The following GALNT3 variants were observed in gnomAD, a reference collection of about 807,000 sequenced individuals.
The protein encoded by GALNT3 is polypeptide N-acetylgalactosaminyltransferase 3, also known as GalNAc transferase 3.
Under a neutral mutation model 69.8 loss-of-function variants are expected in GALNT3, and 51 were observed. That is an observed-to-expected ratio of 0.73 (90% CI 0.58 to 0.92). The LOEUF (loss-of-function observed/expected upper bound fraction) is 0.92, where lower values mean the gene tolerates loss of function less well. Ranked by LOEUF, GALNT3 falls within the 40% of genes least tolerant of loss-of-function variation. The probability of loss-of-function intolerance (pLI) is 0.00; values close to 1 mark genes in which losing one functional copy is unlikely to be tolerated. For synonymous variants in GALNT3, 265 were observed against 248.5 expected (o/e 1.07, Z -0.63); for missense variants, 711 against 760.0 (o/e 0.94, Z 0.76).
At chr2:165,792,182 T>C (rs1380956491) in intron 1 of GALNT3, among the ~76,000 whole-genome samples, 2 of 152,228 alleles carry the variant, frequency 1.3e-5, no homozygotes, top group Non-Finnish European at 2.9e-5. Context: ...GGCTGGAAGA[T>C]ACTCCTGATT....
Position 165,753,653 on chromosome 2 carries a change from G to C in GALNT3, c.1626+974C>G, listed in dbSNP as rs111616317. ...GAGGGAAATAGTCTAATCTTTCCAG[G>C]AGTTAAGCTGCAAAAGGTAAGGAAA... On this transcript the variant is annotated intron_variant, in intron 9 of 10. Transcript: ENST00000392701. Among the ~76,000 whole-genome samples the C allele has an allele frequency of 3.4e-3, 512 of 152,172 alleles. 1 individual carries two copies. Among genetic ancestry groups the C allele is most frequent in the African/African-American group, 0.012 (486 of 41,508 alleles).
Position 165,749,901 on chromosome 2 carries a change from A to G in GALNT3, c.1627-7T>C. The G allele has an allele frequency of 6.2e-7, 1 of 1,613,224 alleles. No homozygotes were observed. Among genetic ancestry groups the G allele is most frequent in the Non-Finnish European group, 8.5e-7 (1 of 1,179,320 alleles). ...GAGCAGAGTATTCAAAGTACTATGGAAGGAATAGCACTGTTACTGACAAAA... is the reference window on the plus strand; with the variant it reads ...GAGCAGAGTATTCAAAGTACTATGGGAGGAATAGCACTGTTACTGACAAAA... On this transcript the variant is annotated splice_region_variant and splice_polypyrimidine_tract_variant and intron_variant, in intron 9 of 10. Coordinates refer to ENST00000392701, the MANE Select transcript of GALNT3 (RefSeq NM_004482.4).
At chr2:165,774,032 G>A (rs1411243238) in intron 1 of GALNT3, among the ~76,000 whole-genome samples, 1 of 152,144 alleles carries the variant, frequency 6.6e-6, no homozygotes, top group Non-Finnish European at 1.5e-5. Context: ...AGGATTCAGG[G>A]CACTTCCAGA....
chr2:165,767,857 T>TA (rs1262861804), intron 2 of GALNT3, among the ~76,000 whole-genome samples: 1 of 146,008 alleles, frequency 6.8e-6, no homozygotes, highest in African/African-American at 2.5e-5. Flanking sequence ...ACATTCAAAG[T>TA]AAAAAACAAA....
Position 165,748,363 on chromosome 2 carries a change from T to C in GALNT3, c.*418A>G, listed in dbSNP as rs1688296804. 1 of 245,828 alleles carries C rather than the reference T, an allele frequency of 4.1e-6. No individual in the cohort carries two copies. The highest frequency in any genetic ancestry group is 7.9e-6 in the Non-Finnish European group (1 of 125,848). 15.2% of individuals were successfully genotyped at this position (245,828 alleles called of 1,614,324 possible). A position where few individuals can be genotyped will look rare whatever the true frequency, so the allele number is the denominator to read the frequency against. On this transcript the variant is annotated 3_prime_UTR_variant, in exon 11 of 11. Coordinates refer to ENST00000392701, the MANE Select transcript of GALNT3 (RefSeq NM_004482.4). ...AGGCCAATGCTGACATTTATTGATC[T>C]ATTTTTATGTAGTTAAAAAAATACA...
chr2:165,770,202 C>G lies in GALNT3; in HGVS notation c.499G>C (p.Asp167His). The G allele has an allele frequency of 6.2e-7, 1 of 1,614,144 alleles. No homozygotes were observed. Among genetic ancestry groups the G allele is most frequent in the African/African-American group, 1.3e-5 (1 of 75,034 alleles). ...RISLHRDLGP[D>H]TRPPECIEQK... ...TCAACATACTCAGGAGGTCGAGTGT[C>G]TGGTCCAAGATCTCGGTGCAAAGAA... The change falls in exon 2 of 11, where the codon GAC becomes CAC. Residue 167 changes from aspartate to histidine, a missense_variant. Transcript: ENST00000392701.
intron 1 of GALNT3, among the ~76,000 whole-genome samples, chr2:165,786,310 A>C (rs1354321858): frequency 6.6e-6 from 1 of 152,220 alleles, no homozygotes; most frequent in Non-Finnish European, 1.5e-5. Flanking sequence ...AAGGAGGGGC[A>C]GAGTTGACTG....
chr2:165,784,450 A>AT (rs762336116), intron 1 of GALNT3, among the ~76,000 whole-genome samples: 75 of 152,274 alleles, frequency 4.9e-4, no homozygotes, highest in Non-Finnish European at 2.9e-4. Context: ...TTAGAAACAG[A>AT]TTTTGGAAGT....
rs183674066 is a variant in GALNT3, at chr2:165,748,595, G to A, written c.*186C>T. ...ATAGTCTTTGGTATTACTAGTTATT[G>A]TGCTTTGAAACAGAAACTTGCAGAA... On this transcript the variant is annotated 3_prime_UTR_variant, in exon 11 of 11. Coordinates refer to ENST00000392701, the MANE Select transcript of GALNT3 (RefSeq NM_004482.4). The A allele has an allele frequency of 2.1e-3, 1,233 of 593,424 alleles. 8 individuals are homozygous for A. Among genetic ancestry groups the A allele is most frequent in the African/African-American group, 0.02 (1,065 of 53,798 alleles). The allele number at this position is 593,424 out of a possible 1,614,324, so 36.8% of individuals were successfully genotyped here.
intron 6 of GALNT3, among the ~76,000 whole-genome samples, chr2:165,758,250 T>A (rs1688481291): frequency 6.6e-6 from 1 of 152,188 alleles, no homozygotes; most frequent in Non-Finnish European, 1.5e-5. Flanking sequence ...ATAAAGTTAC[T>A]GCAGAAAATG....
intron 2 of GALNT3, among the ~76,000 whole-genome samples, chr2:165,766,320 G>A (rs1688642073): frequency 6.6e-6 from 1 of 152,206 alleles, no homozygotes; most frequent in Non-Finnish European, 1.5e-5. Flanking sequence ...GAGACCCTAA[G>A]TGCCCTTGAC....
At chr2:165,760,812 A>T (rs1433760642) in intron 4 of GALNT3, among the ~76,000 whole-genome samples, 1 of 152,184 alleles carries the variant, frequency 6.6e-6, no homozygotes, top group African/African-American at 2.4e-5. Context: ...TAGCCCACTA[A>T]ACTCAGAGCT....
At chr2:165,774,309 A>G (rs1211144781) in intron 1 of GALNT3, among the ~76,000 whole-genome samples, 2 of 152,192 alleles carry the variant, frequency 1.3e-5, no homozygotes, top group African/African-American at 4.8e-5. Flanking sequence ...TTTGAGAAGA[A>G]TTGAGCTGGA....
At chr2:165,783,213 C>T (rs1683149906) in intron 1 of GALNT3, among the ~76,000 whole-genome samples, 1 of 152,150 alleles carries the variant, frequency 6.6e-6, no homozygotes, top group Non-Finnish European at 1.5e-5. Flanking sequence ...CAGGGAATCC[C>T]TTCACTAATG....
At chr2:165,788,531 T>G (rs1683277421) in intron 1 of GALNT3, among the ~76,000 whole-genome samples, 1 of 150,792 alleles carries the variant, frequency 6.6e-6, no homozygotes, top group Non-Finnish European at 1.5e-5. Flanking sequence ...AAAAGCAGAC[T>G]ATATTTATAT....
chr2:165,787,396 G>A (rs1574019281), intron 1 of GALNT3, among the ~76,000 whole-genome samples: 1 of 152,216 alleles, frequency 6.6e-6, no homozygotes, highest in Admixed American at 6.5e-5. Flanking sequence ...AGGCCTTTGG[G>A]CATGTTAAGG....
rs759924530 is a variant in GALNT3, at chr2:165,751,602, G to A, written c.1627-1708C>T. 3.3e-5 allele frequency among the ~76,000 whole-genome samples: 5 copies of A among 152,214 alleles called. No homozygotes were observed. The South Asian group carries it at 6.2e-4, about 19-fold the overall frequency. Reference sequence around the variant, plus strand: ...GAAAGTACTTTGGTAACAAAAAAGAGCACATAATTGGATAACTGTGAATGT... The same window carrying A: ...GAAAGTACTTTGGTAACAAAAAAGAACACATAATTGGATAACTGTGAATGT... On this transcript the variant is annotated intron_variant, in intron 9 of 10. Coordinates refer to ENST00000392701, the MANE Select transcript of GALNT3 (RefSeq NM_004482.4).
intron 7 of GALNT3, 83 bp downstream of exon 7, chr2:165,756,964 T>C (rs1688452504): frequency 9.4e-7 from 1 of 1,059,054 alleles, no homozygotes; most frequent in African/African-American, 1.6e-5. Context: ...TTTGATGTTT[T>C]GTACTTGAGA....
chr2:165,793,271 C>CT (rs891237782), intron 1 of GALNT3, among the ~76,000 whole-genome samples: 1 of 152,154 alleles, frequency 6.6e-6, no homozygotes, highest in Non-Finnish European at 1.5e-5. Context: ...TATGCAGGTC[C>CT]TTAAGTCAAC....
Sources: allele counts gnomAD v4.1 joint callset (sites outside exome capture counted in the v4.1 genomes callset), GRCh38; gene constraint gnomAD v4.1.1; transcripts MANE v1.5; gene names NCBI Gene and HGNC (gene_info 2026-07-23, HGNC 2026-07-21).